The following ADAM18 variants were observed in gnomAD, a reference collection of about 807,000 sequenced individuals.
The protein encoded by ADAM18 is ADAM metallopeptidase domain 18, also known as disintegrin and metalloproteinase domain-containing protein 18.
A neutral mutation model predicts 94.4 loss-of-function variants in ADAM18; 117 were observed. That is an observed-to-expected ratio of 1.24 (90% CI 1.07 to 1.45). The LOEUF (loss-of-function observed/expected upper bound fraction) is 1.45, where lower values mean the gene tolerates loss of function less well. Ranked by LOEUF, ADAM18 falls within the 40% of genes most tolerant of loss-of-function variation. ADAM18 has a pLI of 0.00. For missense variants in ADAM18, 936 were observed against 880.0 expected (o/e 1.06, Z -0.81); for synonymous variants, 327 against 291.6 (o/e 1.12, Z -1.24).
intron 10 of ADAM18, 28 bp downstream of exon 10, chr8:39,638,574 C>A (rs1218914106): frequency 7.9e-6 from 11 of 1,388,408 alleles, no homozygotes; most frequent in South Asian, 1.6e-5. Context: ...TTCTTTACAT[C>A]ACTATTTTTA....
At chr8:39,672,428 A>G (rs1821181420) in intron 14 of ADAM18, among the ~76,000 whole-genome samples, 1 of 152,206 alleles carries the variant, frequency 6.6e-6, no homozygotes, top group Non-Finnish European at 1.5e-5. Flanking sequence ...GTAGATATGC[A>G]GTAGCAGACA....
At chr8:39,680,939 G>A (rs1014146466) in intron 16 of ADAM18, among the ~76,000 whole-genome samples, 3 of 152,184 alleles carry the variant, frequency 2.0e-5, no homozygotes, top group African/African-American at 7.2e-5. Flanking sequence ...GTTATATCTG[G>A]TGTCAGCAAC....
chr8:39,610,011 T>C (rs1207586271), intron 5 of ADAM18, among the ~76,000 whole-genome samples: 1 of 152,098 alleles, frequency 6.6e-6, no homozygotes, highest in African/African-American at 2.4e-5. Flanking sequence ...GTCTCACTTA[T>C]GATAAGTTCA....
chr8:39,648,250 C>T, intron 11 of ADAM18, 94 bp from the exon 12 acceptor site: 2 of 930,128 alleles, frequency 2.2e-6, no homozygotes, highest in South Asian at 3.2e-5. Context: ...TTGGGGTGGC[C>T]ATCTTGTGAT....
At chr8:39,633,715 C>T (rs959914774) in intron 7 of ADAM18, among the ~76,000 whole-genome samples, 8 of 151,766 alleles carry the variant, frequency 5.3e-5, no homozygotes, top group African/African-American at 1.9e-4. Flanking sequence ...TGCTGCATGG[C>T]TTTTCCTACT....
chr8:39,710,984 T>C (rs753555856), intron 18 of ADAM18, among the ~76,000 whole-genome samples: 1 of 152,176 alleles, frequency 6.6e-6, no homozygotes, highest in Non-Finnish European at 1.5e-5. Flanking sequence ...TCTGGCTCAG[T>C]GTAAAAGCAG....
chr8:39,628,899 A>G (rs755716050), intron 6 of ADAM18, among the ~76,000 whole-genome samples: 1 of 152,086 alleles, frequency 6.6e-6, no homozygotes, highest in South Asian at 2.1e-4. Flanking sequence ...GATTGTGCTA[A>G]CATAATAACC....
intron 10 of ADAM18, 46 bp downstream of exon 10, chr8:39,638,592 T>A: frequency 8.4e-7 from 1 of 1,184,566 alleles, no homozygotes; most frequent in Non-Finnish European, 1.2e-6. Context: ...TTAGGCCTTA[T>A]ATTATATTTT....
intron 14 of ADAM18, among the ~76,000 whole-genome samples, chr8:39,669,367 G>T (rs1291725916): frequency 2.0e-5 from 3 of 149,698 alleles, no homozygotes; most frequent in Non-Finnish European, 4.4e-5. Context: ...ACAACATGCA[G>T]GTTTGTTATA....
At chr8:39,649,013 T>C (rs2129579618) in intron 12 of ADAM18, among the ~76,000 whole-genome samples, 1 of 152,322 alleles carries the variant, frequency 6.6e-6, no homozygotes, top group Middle Eastern at 3.4e-3. Flanking sequence ...TTAAAATATA[T>C]GTATATACCC....
chr8:39,648,918 AT>A (rs1451407144), intron 12 of ADAM18, among the ~76,000 whole-genome samples: 1 of 152,186 alleles, frequency 6.6e-6, no homozygotes, highest in East Asian at 1.9e-4. Flanking sequence ...ATTGCTAAAC[AT>A]TATAATGAGG....
intron 12 of ADAM18, among the ~76,000 whole-genome samples, chr8:39,662,609 A>G (rs926135136): frequency 6.6e-6 from 1 of 152,168 alleles, no homozygotes; most frequent in Admixed American, 6.6e-5. Flanking sequence ...AAGATTCTTT[A>G]AAGTTATTAC....
At chr8:39,727,156 C>T (rs569408743) in intron 19 of ADAM18, among the ~76,000 whole-genome samples, 1 of 152,260 alleles carries the variant, frequency 6.6e-6, no homozygotes, top group South Asian at 2.1e-4. Flanking sequence ...AGGATGGCAT[C>T]CCTATATTTT....
At chr8:39,715,759 C>T (rs767762587) in intron 18 of ADAM18, among the ~76,000 whole-genome samples, 44 of 151,942 alleles carry the variant, frequency 2.9e-4, no homozygotes, top group Non-Finnish European at 5.4e-4. Context: ...ACAGATAATT[C>T]TAATAGGCCT....
In ADAM18 at chr8:39,643,397, A is replaced by G. The variant is rs116871050; in HGVS notation, c.910-1941A>G. On this transcript the variant is annotated intron_variant, in intron 10 of 19. Transcript: ENST00000265707. ...ACTCTTTTGCACTGTTCTGATGACAACTTTGCTGTAATTCTTACCTTTTCC... is the reference window on the plus strand; with the variant it reads ...ACTCTTTTGCACTGTTCTGATGACAGCTTTGCTGTAATTCTTACCTTTTCC... 6.8e-3 allele frequency among the ~76,000 whole-genome samples: 1,039 copies of G among 152,140 alleles called. 8 individuals are homozygous for G. Among genetic ancestry groups the G allele is most frequent in the Middle Eastern group, 0.027 (8 of 294 alleles).
rs1822825108 is a variant in ADAM18, at chr8:39,723,775, A to G, written c.2045A>G (p.Asn682Ser). The change falls in exon 19 of 20, where the codon AAT (asparagine) becomes AGT (serine). Residue 682 changes from asparagine (N) to serine (S), a missense_variant. By Grantham distance (46) the Asn-to-Ser change is conservative. Transcript: ENST00000265707. Reference sequence around the variant, plus strand: ...GACTTTTATACTGAAAAAGGCTACAATACACACTGGAACAACTGGTTTATT... The same window carrying G: ...GACTTTTATACTGAAAAAGGCTACAGTACACACTGGAACAACTGGTTTATT... ...SGDFYTEKGY[N>S]THWNNWFILS... The G allele has an allele frequency of 6.4e-7, 1 of 1,572,784 alleles. No homozygotes were observed. The highest frequency in any genetic ancestry group is 1.2e-5 in the South Asian group (1 of 82,406).
intron 19 of ADAM18, among the ~76,000 whole-genome samples, chr8:39,728,388 G>C (rs1822980831): frequency 6.6e-6 from 1 of 152,102 alleles, no homozygotes; most frequent in African/African-American, 2.4e-5. Flanking sequence ...ATAAAATCAT[G>C]AGTAACTGTA....
At chr8:39,616,084 C>G (rs543420079) in intron 6 of ADAM18, among the ~76,000 whole-genome samples, 157 of 152,024 alleles carry the variant, frequency 1.0e-3, no homozygotes, top group African/African-American at 3.6e-3. Flanking sequence ...ATATTTTATG[C>G]CCATGGTTAG....
intron 2 of ADAM18, 41 bp downstream of exon 2, chr8:39,585,393 T>C (rs1356727374): frequency 7.0e-7 from 1 of 1,431,964 alleles, no homozygotes; most frequent in Non-Finnish European, 9.7e-7. Context: ...TAAAGCTTTA[T>C]GGCAATTTTT....
Sources: allele counts gnomAD v4.1 joint callset (sites outside exome capture counted in the v4.1 genomes callset), GRCh38; gene constraint gnomAD v4.1.1; transcripts MANE v1.5; gene names NCBI Gene and HGNC (gene_info 2026-07-23, HGNC 2026-07-21).